Variants in TCF12 observed in about 807,000 individuals in gnomAD.
The protein encoded by TCF12 is transcription factor 12.
In TCF12, 45 loss-of-function variants were observed where a neutral mutation model predicts 86.0. That is an observed-to-expected ratio of 0.52 (90% CI 0.41 to 0.67). The LOEUF is 0.67. Ranked by LOEUF, TCF12 falls within the 30% of genes least tolerant of loss-of-function variation. TCF12 has a pLI of 0.00. For missense variants in TCF12, 881 were observed against 859.9 expected, an observed-to-expected ratio of 1.02 and a Z score of -0.31; for synonymous variants, 330 against 299.6, an observed-to-expected ratio of 1.10 and a Z score of -1.05.
chr15:56,969,649 C>T (rs2062188334), intron 3 of TCF12, among the ~76,000 whole-genome samples: 1 of 151,748 alleles, frequency 6.6e-6, no homozygotes, highest in East Asian at 1.9e-4. Flanking sequence ...GCAATCCTCC[C>T]ACCTCGGCCT....
At chr15:57,138,980 T>A (rs2052758913) in intron 5 of TCF12, among the ~76,000 whole-genome samples, 1 of 152,206 alleles carries the variant, frequency 6.6e-6, no homozygotes. Context: ...TTTACCTATT[T>A]CAGTTGAGAA....
intron 1 of TCF12, 75 bp downstream of exon 1, chr15:56,918,981 C>T (rs1010170980): frequency 6.6e-5 from 10 of 151,902 alleles, no homozygotes; most frequent in African/African-American, 2.4e-4. Context: ...CGCGTCCCTG[C>T]CGGAGTGGGG....
chr15:57,267,649 T>G (rs1857391697), intron 18 of TCF12, among the ~76,000 whole-genome samples: 1 of 152,130 alleles, frequency 6.6e-6, no homozygotes, highest in Non-Finnish European at 1.5e-5. Flanking sequence ...GTATCGCTGT[T>G]CCAATAAAAT....
At chr15:57,219,848 C>A (rs2058505404) in intron 8 of TCF12, among the ~76,000 whole-genome samples, 1 of 151,608 alleles carries the variant, frequency 6.6e-6, no homozygotes, top group South Asian at 2.1e-4. Flanking sequence ...GCCTCAGCCT[C>A]CCGAGTAGCT....
intron 8 of TCF12, among the ~76,000 whole-genome samples, chr15:57,220,974 T>A (rs2058563372): frequency 6.6e-6 from 1 of 152,312 alleles, no homozygotes; most frequent in Non-Finnish European, 1.5e-5. Flanking sequence ...AAAATGGGCT[T>A]AAAATTAGAT....
At position 57,064,758 on chromosome 15, in the gene TCF12, T is replaced by C. The variant is rs1350252931; in HGVS notation, c.222+935T>C. On this transcript the variant is annotated intron_variant, in intron 4 of 20. Transcript: ENST00000333725. ...TTGCAGTGAGCCAAGATCATGCCAC[T>C]GGACTCAAGCCTGGGCCACAGAGTG... Among the ~76,000 whole-genome samples, 37 of 127,938 alleles carry C rather than the reference T, an allele frequency of 2.9e-4. No individual in the cohort carries two copies. In the Admixed American group the frequency reaches 3.6e-3, roughly 12 times the overall value. 83.9% of individuals were successfully genotyped at this position (127,938 alleles called of 152,430 possible). A position where few individuals can be genotyped will look rare whatever the true frequency, so the allele number is the denominator to read the frequency against.
Position 57,263,224 on chromosome 15 carries a change from T to C in TCF12, c.1695T>C (p.Asp565=). 1 of 1,612,530 alleles carries C rather than the reference T, an allele frequency of 6.2e-7. No individual in the cohort carries two copies. Among genetic ancestry groups the C allele is most frequent in the Non-Finnish European group, 8.5e-7 (1 of 1,179,608 alleles). ...EPPSSDDMKS[D]DESSQKDIKV... The stretch of plus-strand genomic sequence containing the variant: ...CTTCATCAGATGACATGAAGTCAGA[T>C]GATGAATCCTCCCAAAAAGATATCA... The change falls in exon 18 of 21, where the codon GAT becomes GAC. Residue 565 remains aspartate, a synonymous_variant. Coordinates refer to ENST00000333725, the MANE Select transcript of TCF12 (RefSeq NM_207037.2).
chr15:57,172,889 C>T (rs1474828311), intron 6 of TCF12, among the ~76,000 whole-genome samples: 5 of 151,678 alleles, frequency 3.3e-5, no homozygotes, highest in African/African-American at 1.2e-4. Flanking sequence ...TCACTTGAGC[C>T]CAGGAGTTCA....
intron 11 of TCF12, 109 bp downstream of exon 11, chr15:57,232,965 T>C: frequency 4.6e-6 from 3 of 654,686 alleles, no homozygotes; most frequent in Non-Finnish European, 2.0e-6. Context: ...GTTATATATA[T>C]GTATATATGT....
chr15:56,964,049 T>C (rs2061892965), intron 3 of TCF12, among the ~76,000 whole-genome samples: 2 of 152,232 alleles, frequency 1.3e-5, no homozygotes, highest in South Asian at 2.1e-4. Context: ...TGAGGTCAAA[T>C]ATATTTTGAG....
chr15:57,035,836 A>C (rs1431227384), intron 3 of TCF12, among the ~76,000 whole-genome samples: 2 of 152,034 alleles, frequency 1.3e-5, no homozygotes, highest in Middle Eastern at 3.2e-3. Flanking sequence ...AGACTGGGAA[A>C]CCCCGTTGCA....
intron 5 of TCF12, among the ~76,000 whole-genome samples, chr15:57,160,645 G>T (rs1450383328): frequency 6.6e-6 from 1 of 152,022 alleles, no homozygotes; most frequent in African/African-American, 2.4e-5. Flanking sequence ...CTTTTTCATT[G>T]TTTGGCACCT....
chr15:57,260,994 G>A (rs753907546), intron 16 of TCF12, among the ~76,000 whole-genome samples: 2 of 152,074 alleles, frequency 1.3e-5, no homozygotes, highest in African/African-American at 4.8e-5. Flanking sequence ...CTGAAAGTGG[G>A]AAGTAGGATG....
chr15:57,257,530 A>G (rs1406319134), intron 16 of TCF12, among the ~76,000 whole-genome samples: 1 of 152,092 alleles, frequency 6.6e-6, no homozygotes, highest in Non-Finnish European at 1.5e-5. Context: ...GCATGGTGGC[A>G]TACACCAGTG....
At chr15:56,980,112 AT>A (rs1159111331) in intron 3 of TCF12, among the ~76,000 whole-genome samples, 2 of 152,084 alleles carry the variant, frequency 1.3e-5, no homozygotes, top group Non-Finnish European at 2.9e-5. Context: ...TAATCCCAAC[AT>A]TTTGGGAGGC....
chr15:56,990,228 C>CGT (rs746828741), intron 3 of TCF12, among the ~76,000 whole-genome samples: 207 of 121,468 alleles, frequency 1.7e-3, no homozygotes, highest in Admixed American at 2.8e-3. Context: ...TAATCTTTAT[C>CGT]GTGTGTGTGT....
intron 3 of TCF12, among the ~76,000 whole-genome samples, chr15:57,020,716 T>G (rs1018237876): frequency 1.3e-5 from 2 of 152,282 alleles, no homozygotes; most frequent in Middle Eastern, 3.4e-3. Flanking sequence ...ATATGGGCAG[T>G]TAGGTAAGCA....
At chr15:57,279,101 C>T (rs1178072886) in intron 19 of TCF12, among the ~76,000 whole-genome samples, 2 of 151,836 alleles carry the variant, frequency 1.3e-5, no homozygotes, top group African/African-American at 2.4e-5. Context: ...CTCAAGTGAT[C>T]CTCCTACCTC....
chr15:57,067,336 C>G (rs1596365305), intron 4 of TCF12, among the ~76,000 whole-genome samples: 1 of 151,616 alleles, frequency 6.6e-6, no homozygotes, highest in South Asian at 2.1e-4. Flanking sequence ...GTCAGGAGAT[C>G]GAGACCATCC....
Sources: allele counts gnomAD v4.1 joint callset (sites outside exome capture counted in the v4.1 genomes callset), GRCh38; gene constraint gnomAD v4.1.1; transcripts MANE v1.5; gene names NCBI Gene and HGNC (gene_info 2026-07-23, HGNC 2026-07-21).